ADGRL3: variants seen among roughly 807,000 people sequenced by gnomAD.
The protein encoded by ADGRL3 is calcium-independent alpha-latrotoxin receptor 3.
ADGRL3 carries 62 observed loss-of-function variants against 153.5 expected under a neutral mutation model. The observed-to-expected ratio is 0.40, with a 90% CI of 0.33 to 0.50. The LOEUF is 0.50. Among genes scored for constraint, ADGRL3 ranks in the 20% least tolerant of loss-of-function variants. ADGRL3 has a pLI of 0.47. For synonymous variants in ADGRL3, 710 were observed against 672.5 expected, an observed-to-expected ratio of 1.06 and a Z score of -0.86; for missense variants, 1,641 against 1,859.4, an observed-to-expected ratio of 0.88 and a Z score of 2.16.
chr4:61,521,781 G>C (rs2098532609), intron 4 of ADGRL3, among the ~76,000 whole-genome samples: 1 of 152,032 alleles, frequency 6.6e-6, no homozygotes, highest in Non-Finnish European at 1.5e-5. Context: ...GGAGGAGATG[G>C]AGAATGTAGG....
intron 21 of ADGRL3, among the ~76,000 whole-genome samples, chr4:61,999,134 A>G (rs942850013): frequency 2.0e-5 from 3 of 152,220 alleles, no homozygotes; most frequent in Non-Finnish European, 4.4e-5. Flanking sequence ...TATGGCTCTA[A>G]GTTTTACCTT....
intron 8 of ADGRL3, among the ~76,000 whole-genome samples, chr4:61,801,662 T>C (rs2097499001): frequency 6.6e-6 from 1 of 152,102 alleles, no homozygotes; most frequent in African/African-American, 2.4e-5. Flanking sequence ...AAGGCATCAA[T>C]TGCTCCTTCT....
intron 17 of ADGRL3, among the ~76,000 whole-genome samples, chr4:61,976,746 C>T (rs1012813955): frequency 6.6e-6 from 1 of 152,160 alleles, no homozygotes; most frequent in Admixed American, 6.5e-5. Flanking sequence ...CTTGCTCCCC[C>T]TTCGCCTTCT....
At chr4:62,010,475 A>G (rs1207807991) in intron 21 of ADGRL3, among the ~76,000 whole-genome samples, 1 of 152,168 alleles carries the variant, frequency 6.6e-6, no homozygotes, top group Non-Finnish European at 1.5e-5. Flanking sequence ...TATGATGAAT[A>G]CATAGTACTC....
chr4:61,912,225 TA>T (rs1257332633), intron 12 of ADGRL3, among the ~76,000 whole-genome samples: 1 of 152,166 alleles, frequency 6.6e-6, no homozygotes, highest in East Asian at 1.9e-4. Flanking sequence ...TTTTTCCTGA[TA>T]AATAGAAGTT....
intron 8 of ADGRL3, among the ~76,000 whole-genome samples, chr4:61,795,681 A>G (rs1161559074): frequency 6.6e-6 from 1 of 152,172 alleles, no homozygotes; most frequent in African/African-American, 2.4e-5. Flanking sequence ...TCACTATTGC[A>G]TAGACGTGTG....
chr4:61,531,612 T>C (rs1038445788), intron 4 of ADGRL3, among the ~76,000 whole-genome samples: 1 of 152,098 alleles, frequency 6.6e-6, no homozygotes, highest in Non-Finnish European at 1.5e-5. Flanking sequence ...AGACCCATGA[T>C]AGAAATCTGA....
At chr4:61,314,383 AT>A (rs1487002831) in intron 1 of ADGRL3, among the ~76,000 whole-genome samples, 12 of 151,894 alleles carry the variant, frequency 7.9e-5, no homozygotes, top group African/African-American at 2.9e-4. Context: ...CTAATTCTGT[AT>A]TTTTAGTAGA....
chr4:61,818,946 C>T (rs1561301919), intron 9 of ADGRL3, among the ~76,000 whole-genome samples: 1 of 152,028 alleles, frequency 6.6e-6, no homozygotes, highest in Non-Finnish European at 1.5e-5. Context: ...AATGCAAAAA[C>T]TCTTACTCAT....
At chr4:62,056,449 A>C (rs1471543650) in intron 25 of ADGRL3, among the ~76,000 whole-genome samples, 1 of 152,024 alleles carries the variant, frequency 6.6e-6, no homozygotes, top group African/African-American at 2.4e-5. Flanking sequence ...CAGACATGTG[A>C]ATGTGCACAA....
intron 4 of ADGRL3, among the ~76,000 whole-genome samples, chr4:61,578,438 C>T (rs2149246990): frequency 6.6e-6 from 1 of 152,136 alleles, no homozygotes; most frequent in East Asian, 1.9e-4. Context: ...CATTAATACC[C>T]ACACTCTCTT....
intron 2 of ADGRL3, chr4:61,385,273 A>G (rs1462705486): frequency 6.6e-6 from 1 of 152,078 alleles, no homozygotes; most frequent in East Asian, 1.9e-4. Flanking sequence ...CCCCCTGAAT[A>G]CTTTTGAACA....
chr4:61,826,760 T>G (rs937510261), intron 9 of ADGRL3, among the ~76,000 whole-genome samples: 1 of 151,940 alleles, frequency 6.6e-6, no homozygotes, highest in Non-Finnish European at 1.5e-5. Flanking sequence ...TCCTTAAAAT[T>G]TTATTACAGG....
intron 4 of ADGRL3, among the ~76,000 whole-genome samples, chr4:61,523,692 T>C (rs2152927708): frequency 6.6e-6 from 1 of 152,206 alleles, no homozygotes; most frequent in South Asian, 2.1e-4. Flanking sequence ...TAAGACCCTG[T>C]TTTTCTCCTA....
chr4:61,713,165 A>G (rs1288272475), intron 6 of ADGRL3, among the ~76,000 whole-genome samples: 1 of 152,168 alleles, frequency 6.6e-6, no homozygotes, highest in East Asian at 1.9e-4. Flanking sequence ...AGTAATAAAC[A>G]TATCCTGCAT....
chr4:61,884,946 A>G (rs1003209382), intron 9 of ADGRL3, among the ~76,000 whole-genome samples: 1 of 151,180 alleles, frequency 6.6e-6, no homozygotes, highest in Non-Finnish European at 1.5e-5. Flanking sequence ...CTTAACTGTA[A>G]TAACTTGGAA....
intron 2 of ADGRL3, among the ~76,000 whole-genome samples, chr4:61,383,822 A>G (rs1413749273): frequency 6.6e-6 from 1 of 151,854 alleles, no homozygotes. Flanking sequence ...CATCTTCCCC[A>G]GAAAATCATA....
intron 1 of ADGRL3, among the ~76,000 whole-genome samples, chr4:61,328,682 T>C (rs563190966): frequency 6.6e-6 from 1 of 152,208 alleles, no homozygotes. Context: ...GATAAAACTA[T>C]ATTTGCATAT....
chr4:61,362,343 T>G (rs1348474000), intron 1 of ADGRL3, among the ~76,000 whole-genome samples: 1 of 150,670 alleles, frequency 6.6e-6, no homozygotes, highest in Non-Finnish European at 1.5e-5. Flanking sequence ...TATATATATA[T>G]ATACACACAC....
Sources: allele counts gnomAD v4.1 joint callset (sites outside exome capture counted in the v4.1 genomes callset), GRCh38; gene constraint gnomAD v4.1.1; transcripts MANE v1.5; gene names NCBI Gene and HGNC (gene_info 2026-07-23, HGNC 2026-07-21).